Variants in EFCAB6 observed in about 807,000 individuals in gnomAD.
EFCAB6 encodes the protein EF-hand calcium-binding domain-containing protein 6.
Under a neutral mutation model 169.8 loss-of-function variants are expected in EFCAB6, and 156 were observed. That is an observed-to-expected ratio of 0.92 (90% confidence interval 0.81 to 1.05). EFCAB6 has a LOEUF of 1.05. Ranked by LOEUF, EFCAB6 falls within the 50% of genes least tolerant of loss-of-function variation. The pLI, the probability that EFCAB6 is intolerant of heterozygous loss-of-function variation, is 0.00. For missense variants in EFCAB6, 1,800 were observed against 1,829.1 expected (o/e 0.98, Z 0.29); for synonymous variants, 698 against 676.4 (o/e 1.03, Z -0.50).
intron 27 of EFCAB6, 199 bp downstream of exon 27, chr22:43,554,670 T>G (rs2048591068): frequency 1.7e-6 from 1 of 595,450 alleles, no homozygotes; most frequent in Non-Finnish European, 3.0e-6. Context: ...ATTTGTACCC[T>G]GATGAAAATG....
At chr22:43,542,006 G>A (rs2047761771) in intron 27 of EFCAB6, among the ~76,000 whole-genome samples, 2 of 152,254 alleles carry the variant, frequency 1.3e-5, no homozygotes. Context: ...GGAAGGTGCA[G>A]AACGCTGTTC....
intron 27 of EFCAB6, among the ~76,000 whole-genome samples, chr22:43,543,313 G>A (rs79429236): frequency 0.015 from 2,345 of 152,286 alleles, 69 homozygotes; most frequent in African/African-American, 0.054. Flanking sequence ...GACAGCTGGG[G>A]GACCCAGCCA....
chr22:43,764,132 G>T (rs890953252), intron 5 of EFCAB6, among the ~76,000 whole-genome samples: 1 of 152,096 alleles, frequency 6.6e-6, no homozygotes, highest in Non-Finnish European at 1.5e-5. Flanking sequence ...TAATGCTGAG[G>T]TTTGGGGTAC....
intron 26 of EFCAB6, among the ~76,000 whole-genome samples, chr22:43,571,212 T>C (rs546198220): frequency 1.1e-4 from 16 of 152,254 alleles, no homozygotes; most frequent in Non-Finnish European, 2.4e-4. Flanking sequence ...AGGTGTAAAA[T>C]TGTCATCTTT....
At chr22:43,723,812 G>C (rs62226078) in intron 8 of EFCAB6, among the ~76,000 whole-genome samples, 1 of 152,210 alleles carries the variant, frequency 6.6e-6, no homozygotes. Flanking sequence ...CTAAGCCACA[G>C]CTGGGACCAA....
chr22:43,699,324 GTTC>G (rs1212515764), intron 10 of EFCAB6, among the ~76,000 whole-genome samples: 1 of 152,144 alleles, frequency 6.6e-6, no homozygotes, highest in African/African-American at 2.4e-5. Flanking sequence ...CAATAGTCAT[GTTC>G]TTCTCCCTAA....
chr22:43,683,045 G>A (rs887853998), intron 12 of EFCAB6, among the ~76,000 whole-genome samples: 3 of 152,144 alleles, frequency 2.0e-5, no homozygotes, highest in Non-Finnish European at 1.5e-5. Context: ...GGTTCTAGGA[G>A]GCTGATGCTG....
At chr22:43,592,250 T>C (rs1295997680) in intron 23 of EFCAB6, among the ~76,000 whole-genome samples, 1 of 152,202 alleles carries the variant, frequency 6.6e-6, no homozygotes, top group Non-Finnish European at 1.5e-5. Context: ...CAGTTTGGAA[T>C]TGGCTCCCAT....
intron 22 of EFCAB6, among the ~76,000 whole-genome samples, chr22:43,607,880 A>C (rs942791291): frequency 6.6e-6 from 1 of 152,246 alleles, no homozygotes; most frequent in African/African-American, 2.4e-5. Context: ...TTAGACATCT[A>C]TCCAGGGAAG....
chr22:43,793,103 G>A (rs540165678), intron 2 of EFCAB6, among the ~76,000 whole-genome samples: 9 of 152,164 alleles, frequency 5.9e-5, no homozygotes, highest in East Asian at 1.9e-4. Flanking sequence ...ATAATCACCC[G>A]GAAATGCACT....
intron 23 of EFCAB6, among the ~76,000 whole-genome samples, chr22:43,593,842 T>C (rs1327553773): frequency 6.6e-6 from 1 of 152,148 alleles, no homozygotes; most frequent in Non-Finnish European, 1.5e-5. Flanking sequence ...GACAGAGCTA[T>C]AGAGCAGTAG....
chr22:43,623,739 CAAAA>C (rs137720), intron 20 of EFCAB6, among the ~76,000 whole-genome samples: 2 of 95,268 alleles, frequency 2.1e-5, no homozygotes, highest in Non-Finnish European at 4.1e-5. Context: ...ACTAAAAATA[CAAAA>C]AAAAAAAAAA....
chr22:43,625,922 G>C (rs187751978), intron 20 of EFCAB6, among the ~76,000 whole-genome samples: 4 of 152,346 alleles, frequency 2.6e-5, no homozygotes, highest in African/African-American at 9.6e-5. Context: ...TGCAGAGGAC[G>C]GGCCCAGCCT....
At chr22:43,573,034 A>AC (rs1480876477) in intron 26 of EFCAB6, among the ~76,000 whole-genome samples, 3 of 152,204 alleles carry the variant, frequency 2.0e-5, no homozygotes, top group African/African-American at 7.2e-5. Flanking sequence ...AGGCCAGGGG[A>AC]CCCCGGAGGT....
rs376809029 is a variant in EFCAB6 at position 43,554,878 on chromosome 22, C to T, written c.3639G>A (p.Thr1213=). 4.2e-5 allele frequency: 68 copies of T among 1,614,040 alleles called. No homozygotes were observed. Among genetic ancestry groups the T allele is most frequent in the South Asian group, 9.9e-5 (9 of 91,092 alleles). Residue 1213 remains threonine (T), a synonymous_variant, in exon 27 of 32, where the codon ACG becomes ACA. Transcript: ENST00000262726. The part of the protein sequence containing the change: ...AICNRRVQIL[T]DEQFDRLWNE... ...GACTGGCGTTTCTTACCTGTTCGTC[C>T]GTCAGGATTTGGACGCGGCGATTAC...
At chr22:43,638,094 A>C (rs2055548977) in intron 17 of EFCAB6, among the ~76,000 whole-genome samples, 1 of 152,128 alleles carries the variant, frequency 6.6e-6, no homozygotes, top group African/African-American at 2.4e-5. Context: ...CACCGCAGAG[A>C]ACACAAACGC....
chr22:43,539,987 G>T, intron 28 of EFCAB6, 140 bp downstream of exon 28: 1 of 860,464 alleles, frequency 1.2e-6, no homozygotes. Flanking sequence ...TGGGATCCTT[G>T]CATGTGCCCC....
At position 43,530,854 on chromosome 22, in the gene EFCAB6, C is replaced by T. The variant is rs2047014915; in HGVS notation, c.4344G>A (p.Glu1448=). 5.0e-6 allele frequency: 8 copies of T among 1,614,042 alleles called. No individual in the cohort carries two copies. The highest frequency in any genetic ancestry group is 1.1e-5 in the South Asian group (1 of 91,080). The stretch of plus-strand genomic sequence containing the variant: ...CGACGCTTAGCAGCCCTGTTCCAGC[C>T]TCATCATAGCTTTTGAACGTGCGCC... ...PMRRTFKSYD[E]AGTGLLSVAD... is the part of the protein sequence containing the mutation. Residue 1448 remains glutamate (E), a synonymous_variant, in exon 31 of 32, where the codon GAG becomes GAA. Coordinates refer to ENST00000262726, the MANE Select transcript of EFCAB6 (RefSeq NM_022785.4).
At chr22:43,707,252 T>C (rs1347528825) in intron 10 of EFCAB6, among the ~76,000 whole-genome samples, 1 of 151,858 alleles carries the variant, frequency 6.6e-6, no homozygotes, top group African/African-American at 2.4e-5. Flanking sequence ...GATAAAGACA[T>C]GAAAAATATA....
Sources: gnomAD v4.1 joint callset for allele counts (sites outside exome capture counted in the v4.1 genomes callset) on GRCh38, gnomAD v4.1.1 for gene constraint, MANE v1.5 for transcripts, NCBI Gene and HGNC (gene_info 2026-07-23, HGNC 2026-07-21) for gene names.